The following GPSM1 variants were observed in gnomAD, a reference collection of about 807,000 sequenced individuals.
The protein encoded by GPSM1 is G protein signaling modulator 1.
A neutral mutation model predicts 70.5 loss-of-function variants in GPSM1; 48 were observed. The observed-to-expected ratio is 0.68, with a 90% CI of 0.54 to 0.87. The LOEUF (loss-of-function observed/expected upper bound fraction) is 0.87. Among genes scored for constraint, GPSM1 ranks in the 40% least tolerant of loss-of-function variants. GPSM1 has a pLI of 0.00. For missense variants in GPSM1, 981 were observed against 972.6 expected (o/e 1.01, Z -0.11); for synonymous variants, 416 against 430.1 (o/e 0.97, Z 0.41).
intron 11 of GPSM1, among the ~76,000 whole-genome samples, chr9:136,353,519 C>G (rs1382838342): frequency 1.3e-5 from 2 of 152,226 alleles, no homozygotes; most frequent in African/African-American, 4.8e-5. Context: ...GTACCAGGCA[C>G]TGAGCCACGG....
intron 2 of GPSM1, 137 bp from the exon 3 acceptor site, chr9:136,335,829 C>A: frequency 1.1e-6 from 1 of 878,928 alleles, no homozygotes; most frequent in South Asian, 1.7e-5. Flanking sequence ...CCCAGTATCA[C>A]CTCAGGGGTT....
chr9:136,339,639 G>A (rs1163267028), intron 7 of GPSM1, 68 bp from the exon 8 acceptor site: 38 of 1,126,408 alleles, frequency 3.4e-5, no homozygotes, highest in Non-Finnish European at 3.0e-5. Flanking sequence ...GTGACCACCA[G>A]GGGAGGGGCT....
chr9:136,353,168 T>A, intron 11 of GPSM1: 1 of 943,972 alleles, frequency 1.1e-6, no homozygotes, highest in Non-Finnish European at 1.3e-6. Context: ...GAGTCTGGGG[T>A]CCCTGGGGTC....
chr9:136,355,667 C>T (rs377609743), intron 11 of GPSM1, 23 bp from the exon 12 acceptor site: 12 of 1,606,784 alleles, frequency 7.5e-6, no homozygotes, highest in Middle Eastern at 1.7e-4. Context: ...GCTTTGGCTG[C>T]GGTGACCCCA....
chr9:136,335,788 G>C (rs1454863733), intron 2 of GPSM1, among the ~76,000 whole-genome samples, 178 bp from the exon 3 acceptor site: 1 of 152,140 alleles, frequency 6.6e-6, no homozygotes, highest in Non-Finnish European at 1.5e-5. Flanking sequence ...GGCTGCCCTC[G>C]GGCCTCACTT....
Position 136,341,107 on chromosome 9 carries a change from A to T in GPSM1, c.1207+114A>T, listed in dbSNP as rs1227610846. The T allele has an allele frequency of 3.2e-6, 5 of 1,549,964 alleles. No homozygotes were observed. Among genetic ancestry groups the T allele is most frequent in the Non-Finnish European group, 3.5e-6 (4 of 1,146,842 alleles). On this transcript the variant is annotated intron_variant, in intron 9 of 13. Coordinates refer to ENST00000440944, the MANE Select transcript of GPSM1 (RefSeq NM_001145638.3). This position sits in a 1 kb window ranked among gnomAD's most constrained non-coding sequence, Gnocchi z 6.7. ...GCATGGCGGAGGTGGCAGCCGCCAG[A>T]AAATGGCGCCTACAAGCCAGTTCTT...
rs1212301727 is a variant in GPSM1, at chr9:136,343,890, C to T, written c.1207+2897C>T. Among the ~76,000 whole-genome samples, 1 of 152,192 alleles carries T rather than the reference C, an allele frequency of 6.6e-6. No homozygotes were observed. The highest frequency in any genetic ancestry group is 1.9e-4 in the East Asian group (1 of 5,180). On this transcript the variant is annotated intron_variant, in intron 9 of 13. Transcript: ENST00000440944. This position sits in a 1 kb window ranked among gnomAD's most constrained non-coding sequence, Gnocchi z 6.0. ...GAGGATGCACCCTCTGTCCGTGCGC[C>T]TAAGAGGGCCCAGAGGGGACAGTGT... is the stretch of plus-strand genomic sequence containing the variant.
rs1832904295 is a variant in GPSM1, at chr9:136,358,397, T to C, written c.*177T>C. On this transcript the variant is annotated 3_prime_UTR_variant, in exon 14 of 14. Coordinates refer to ENST00000440944, the MANE Select transcript of GPSM1 (RefSeq NM_001145638.3). ...AGCTGCCCGTGGTGGGAGGGCGTGC[T>C]TCCATCCCGGGCTGGCCCCCATGGC... 3.2e-6 allele frequency: 2 copies of C among 633,734 alleles called. No homozygotes were observed. The highest frequency in any genetic ancestry group is 6.0e-5 in the East Asian group (2 of 33,400). The allele number at this position is 633,734 out of a possible 1,614,324, so 39.3% of individuals were successfully genotyped here. A position where few individuals can be genotyped will look rare whatever the true frequency, so the allele number is the denominator to read the frequency against.
rs1554771764 is a variant in GPSM1, at chr9:136,349,691, T to C, written c.1383T>C (p.Ala461=). The C allele has an allele frequency of 6.4e-7, 1 of 1,562,580 alleles. No homozygotes were observed. The highest frequency in any genetic ancestry group is 1.2e-5 in the South Asian group (1 of 84,948). ...GGAAGTACCAGGAAGGCCCGGACGC[T>C]GAGAGGAGGCCCCGGGAGGGCAGCC... is the stretch of plus-strand genomic sequence containing the variant. ...RSRKYQEGPD[A]ERRPREGSHS... Residue 461 remains alanine (A), a synonymous_variant, in exon 11 of 14, where the codon GCT becomes GCC. Transcript: ENST00000440944.
intron 2 of GPSM1, among the ~76,000 whole-genome samples, chr9:136,335,246 G>T (rs1199648213): frequency 1.3e-5 from 2 of 151,962 alleles, no homozygotes; most frequent in African/African-American, 4.8e-5. Context: ...CCTGCCCTGG[G>T]GGCTGTCCCT....
chr9:136,348,598 T>TGGCCGGGCTGGTCCTTGGCCCCCCAG (rs1832581729), intron 9 of GPSM1, 99 bp from the exon 10 acceptor site: 25 of 839,030 alleles, frequency 3.0e-5, no homozygotes, highest in Admixed American at 1.1e-4. Context: ...CAGAAAGCCA[T>TGGCCGGGCTGGTCCTTGGCCCCCCAG]GGCCGGGCTG....
chr9:136,344,265 C>T (rs1400086141), intron 9 of GPSM1, among the ~76,000 whole-genome samples: 1 of 151,804 alleles, frequency 6.6e-6, no homozygotes, highest in Admixed American at 6.5e-5. Context: ...AGGGGAGGCG[C>T]GGACAGGAAC....
At chr9:136,353,652 C>A (rs563279198) in intron 11 of GPSM1, among the ~76,000 whole-genome samples, 2 of 152,314 alleles carry the variant, frequency 1.3e-5, no homozygotes, top group East Asian at 3.9e-4. Flanking sequence ...GGGGCTCTGC[C>A]ATGGGGCCTG....
At position 136,338,685 on chromosome 9, in the gene GPSM1, C is replaced by A; in HGVS notation, c.949C>A (p.Leu317Ile). ...RAAEYHLRHL[L>I]IAQELADRVG... ...GGCCGAGTACCACCTGCGGCACCTGCTCATTGCCCAGGAGCTGGCCGACAG... is the reference window on the plus strand; with the variant it reads ...GGCCGAGTACCACCTGCGGCACCTGATCATTGCCCAGGAGCTGGCCGACAG... Residue 317 changes from leucine to isoleucine, a missense_variant, in exon 7 of 14, where the codon CTC (leucine) becomes ATC (isoleucine). Physicochemically the swap from Leu to Ile is conservative, Grantham distance 5 (BLOSUM62 2). Transcript: ENST00000440944. The A allele has an allele frequency of 6.4e-7, 1 of 1,564,762 alleles. No individual in the cohort carries two copies. The highest frequency in any genetic ancestry group is 8.6e-7 in the Non-Finnish European group (1 of 1,156,246).
At chr9:136,335,845 C>G in intron 2 of GPSM1, 121 bp from the exon 3 acceptor site, 1 of 1,017,380 alleles carries the variant, frequency 9.8e-7, no homozygotes, top group Non-Finnish European at 1.4e-6. Context: ...GGGTTGCAGG[C>G]TCCTGTCCAC....
At position 136,348,782 on chromosome 9, in the gene GPSM1, C is replaced by A. The variant is rs78380613; in HGVS notation, c.1278+15C>A. On this transcript the variant is annotated intron_variant, in intron 10 of 13. Coordinates refer to ENST00000440944, the MANE Select transcript of GPSM1 (RefSeq NM_001145638.3). ...CCCTGGAGCGGGTGAGCCAGGGACA[C>A]GGGACCGATGTCAGCACAGCCGCTG... 6.3e-7 allele frequency: 1 copy of A among 1,597,388 alleles called. No individual in the cohort carries two copies. The highest frequency in any genetic ancestry group is 8.6e-7 in the Non-Finnish European group (1 of 1,166,978).
chr9:136,332,197 C>A (rs1337450889), intron 1 of GPSM1: 5 of 398,966 alleles, frequency 1.3e-5, no homozygotes, highest in South Asian at 1.3e-4. Flanking sequence ...GTGGGGTGGT[C>A]ACGTGGGTGT....
At chr9:136,330,519 C>T (rs781141114) in intron 1 of GPSM1, among the ~76,000 whole-genome samples, 3 of 152,228 alleles carry the variant, frequency 2.0e-5, no homozygotes, top group Non-Finnish European at 4.4e-5. Flanking sequence ...GTGATTCCAG[C>T]TCCCGCTGTG....
In GPSM1 at chr9:136,327,766, A is replaced by G; in HGVS notation, c.68+3A>G. ...GCCGCCAGGCGCCTCTACTCCAGGT[A>G]GGACGGGCCGGGGCCGGGGCCGGGG... On this transcript the variant is annotated splice_donor_region_variant and intron_variant, in intron 1 of 13. Coordinates refer to ENST00000440944, the MANE Select transcript of GPSM1 (RefSeq NM_001145638.3). 1 of 1,146,950 alleles carries G rather than the reference A, an allele frequency of 8.7e-7. No homozygotes were observed. The highest frequency in any genetic ancestry group is 1.1e-6 in the Non-Finnish European group (1 of 927,068). The allele number at this position is 1,146,950 out of a possible 1,614,324, so 71.0% of individuals were successfully genotyped here. A position where few individuals can be genotyped will look rare whatever the true frequency, so the allele number is the denominator to read the frequency against.
Sources: allele counts gnomAD v4.1 joint callset (sites outside exome capture counted in the v4.1 genomes callset), GRCh38; gene constraint gnomAD v4.1.1; non-coding constraint Gnocchi (gnomAD v3.1); transcripts MANE v1.5; gene names NCBI Gene and HGNC (gene_info 2026-07-23, HGNC 2026-07-21).